The following PRMT8 variants were observed in gnomAD, a reference collection of about 807,000 sequenced individuals.
The protein encoded by PRMT8 is protein arginine methyltransferase 8, also known as protein arginine N-methyltransferase 8.
A neutral mutation model predicts 47.1 loss-of-function variants in PRMT8; 7 were observed. The observed-to-expected ratio is 0.15, with a 90% CI of 0.08 to 0.28. The LOEUF is 0.28. Among genes scored for constraint, PRMT8 ranks in the 10% least tolerant of loss-of-function variants. The pLI, the probability that PRMT8 is intolerant of heterozygous loss-of-function variation, is 1.00. For missense variants in PRMT8, 237 were observed against 505.4 expected, an observed-to-expected ratio of 0.47 and a Z score of 5.09; for synonymous variants, 188 against 186.5, an observed-to-expected ratio of 1.01 and a Z score of -0.07.
chr12:3,484,786 G>A (rs79504396), intron 1 of PRMT8, among the ~76,000 whole-genome samples: 406 of 152,330 alleles, frequency 2.7e-3, no homozygotes, highest in Non-Finnish European at 4.8e-3. Context: ...CCATTGGGAG[G>A]TTTTAAATGG....
chr12:3,474,965 T>G (rs906345889), intron 1 of PRMT8, among the ~76,000 whole-genome samples: 2 of 152,258 alleles, frequency 1.3e-5, no homozygotes, highest in Non-Finnish European at 2.9e-5. Context: ...TCTTGGTTAT[T>G]GTTCTGCTCT....
Position 3,553,920 on chromosome 12 carries a change from C to G in PRMT8, c.481+206C>G, listed in dbSNP as rs889251170. 7.1e-4 allele frequency among the ~76,000 whole-genome samples: 108 copies of G among 152,310 alleles called. 2 individuals carry two copies. Among genetic ancestry groups the G allele is most frequent in the Admixed American group, 5.9e-3 (91 of 15,310 alleles). On this transcript the variant is annotated intron_variant, in intron 4 of 9. Coordinates refer to ENST00000382622, the MANE Select transcript of PRMT8 (RefSeq NM_019854.5). ...GCCAGCTGAGGATCACAGCCACCCC[C>G]TCTCCGCTTTTGGCAAGCCCTGCTT... is the stretch of plus-strand genomic sequence containing the variant.
intron 1 of PRMT8, among the ~76,000 whole-genome samples, chr12:3,460,678 A>G (rs543395550): frequency 1.5e-3 from 230 of 152,290 alleles, no homozygotes; most frequent in African/African-American, 5.3e-3. Flanking sequence ...GAGCGAGGAA[A>G]TTAAGGTTAA....
chr12:3,467,441 C>T (rs1008734621), intron 1 of PRMT8, among the ~76,000 whole-genome samples: 2 of 151,982 alleles, frequency 1.3e-5, no homozygotes, highest in Non-Finnish European at 2.9e-5. Context: ...CTGATTGTCC[C>T]CAATCCTGAT....
intron 1 of PRMT8, among the ~76,000 whole-genome samples, chr12:3,526,742 T>C (rs1276414705): frequency 6.6e-6 from 1 of 152,212 alleles, no homozygotes. Context: ...TATGAAATGA[T>C]CTTTTTCTCA....
At chr12:3,394,546 T>C in intron 1 of PRMT8, among the ~76,000 whole-genome samples, 1 of 152,126 alleles carries the variant, frequency 6.6e-6, no homozygotes, top group Non-Finnish European at 1.5e-5. Context: ...CAGCCTTGCA[T>C]CCCAGGGATG....
chr12:3,513,417 A>AG (rs1865742690), intron 1 of PRMT8, among the ~76,000 whole-genome samples: 1 of 152,172 alleles, frequency 6.6e-6, no homozygotes, highest in Admixed American at 6.5e-5. Flanking sequence ...GGGATTTTAT[A>AG]TCTAGTTTGA....
chr12:3,410,475 C>CT (rs1184559676), intron 1 of PRMT8, among the ~76,000 whole-genome samples: 1 of 152,054 alleles, frequency 6.6e-6, no homozygotes, highest in Non-Finnish European at 1.5e-5. Flanking sequence ...ATTTTACTTG[C>CT]TTTTCTTTGT....
intron 1 of PRMT8, among the ~76,000 whole-genome samples, chr12:3,445,851 C>G (rs978675998): frequency 6.6e-5 from 10 of 152,172 alleles, no homozygotes; most frequent in African/African-American, 2.4e-4. Flanking sequence ...GGAGTAAACA[C>G]CAAGGCGATA....
At chr12:3,418,418 A>G (rs1435352786) in intron 1 of PRMT8, among the ~76,000 whole-genome samples, 3 of 152,194 alleles carry the variant, frequency 2.0e-5, no homozygotes, top group East Asian at 1.9e-4. Flanking sequence ...GACAGTGCCA[A>G]TCTTGGTTCT....
chr12:3,570,862 T>A lies in PRMT8; in HGVS notation c.712+1298T>A, dbSNP rs1202319749. On this transcript the variant is annotated intron_variant, in intron 6 of 9. Coordinates refer to ENST00000382622, the MANE Select transcript of PRMT8 (RefSeq NM_019854.5). This position sits in a 1 kb window ranked among gnomAD's most constrained non-coding sequence, Gnocchi z 5.5. ...AGCCAATCTGGTGTGATTTCCACTA[T>A]TTGACCTCCTGGGGGAAGGAGGCAA... Among the ~76,000 whole-genome samples, 4 of 152,172 alleles carry A rather than the reference T, an allele frequency of 2.6e-5. No individual in the cohort carries two copies. The highest frequency in any genetic ancestry group is 5.9e-5 in the Non-Finnish European group (4 of 68,024).
intron 1 of PRMT8, among the ~76,000 whole-genome samples, chr12:3,498,704 C>T (rs1329411351): frequency 6.6e-6 from 1 of 152,206 alleles, no homozygotes; most frequent in Non-Finnish European, 1.5e-5. Flanking sequence ...CATCCAGCTA[C>T]TTTATTGGGA....
At chr12:3,478,211 T>A (rs1227330660) in intron 1 of PRMT8, among the ~76,000 whole-genome samples, 1 of 152,140 alleles carries the variant, frequency 6.6e-6, no homozygotes, top group Non-Finnish European at 1.5e-5. Flanking sequence ...TGGAAAGAAA[T>A]GGAGTCTTCA....
intron 4 of PRMT8, among the ~76,000 whole-genome samples, chr12:3,565,856 G>A (rs546414858): frequency 6.6e-6 from 1 of 152,222 alleles, no homozygotes; most frequent in East Asian, 1.9e-4. Context: ...ACTTGATGAT[G>A]GATTACTCCT....
intron 1 of PRMT8, among the ~76,000 whole-genome samples, chr12:3,536,104 A>G (rs1053843336): frequency 6.6e-6 from 1 of 152,170 alleles, no homozygotes; most frequent in Non-Finnish European, 1.5e-5. Flanking sequence ...TAGAATACCC[A>G]TATGTCTCTT....
At chr12:3,388,617 A>G (rs1241838232) in intron 1 of PRMT8, among the ~76,000 whole-genome samples, 1 of 113,128 alleles carries the variant, frequency 8.8e-6, no homozygotes, top group African/African-American at 3.3e-5. Context: ...ATTATGACCC[A>G]TATTTACAAT....
rs145251076 is a variant in PRMT8 at position 3,516,315 on chromosome 12, GTTCATTCATTCA to G, written c.76-24275_76-24264del. On this transcript the variant is annotated intron_variant, in intron 1 of 9. Coordinates refer to ENST00000382622, the MANE Select transcript of PRMT8 (RefSeq NM_019854.5). ...TCCCCTCTTGGTGATTTGTTAAGGGGTTCATTCATTCATTCATTCATTCATTCGTTTGTTCAT... is the reference window on the plus strand; with the variant it reads ...TCCCCTCTTGGTGATTTGTTAAGGGGTTCATTCATTCATTCGTTTGTTCAT... Among the ~76,000 whole-genome samples the G allele has an allele frequency of 2.8e-4, 43 of 152,138 alleles. No homozygotes were observed. The East Asian group carries it at 7.7e-3, about 27-fold the overall frequency.
At chr12:3,470,229 C>G (rs1865145350) in intron 1 of PRMT8, among the ~76,000 whole-genome samples, 1 of 152,166 alleles carries the variant, frequency 6.6e-6, no homozygotes. Context: ...CCCCATAGTC[C>G]TCAGGATCCC....
chr12:3,576,796 C>A lies in PRMT8; in HGVS notation c.713-75C>A. The A allele has an allele frequency of 8.5e-7, 1 of 1,169,914 alleles. No homozygotes were observed. Among genetic ancestry groups the A allele is most frequent in the South Asian group, 1.3e-5 (1 of 77,144 alleles). The allele number at this position is 1,169,914 out of a possible 1,614,324, so 72.5% of individuals were successfully genotyped here. A position where few individuals can be genotyped will look rare whatever the true frequency, so the allele number is the denominator to read the frequency against. On this transcript the variant is annotated intron_variant, in intron 6 of 9. Coordinates refer to ENST00000382622, the MANE Select transcript of PRMT8 (RefSeq NM_019854.5). This position sits in a 1 kb window ranked among gnomAD's most constrained non-coding sequence, Gnocchi z 4.0. ...CCACTCAGCCCTCAGGCACGCTGTG[C>A]TCTAGGACTCAGGAGGGTTGGGTGA...
Sources: allele counts gnomAD v4.1 joint callset (sites outside exome capture counted in the v4.1 genomes callset), GRCh38; gene constraint gnomAD v4.1.1; non-coding constraint Gnocchi (gnomAD v3.1); transcripts MANE v1.5; gene names NCBI Gene and HGNC (gene_info 2026-07-23, HGNC 2026-07-21).